Variants in HIRA observed in about 807,000 individuals in gnomAD.
HIRA encodes the protein histone cell cycle regulator.
A neutral mutation model predicts 126.6 loss-of-function variants in HIRA; 13 were observed. The ratio of observed to expected loss-of-function variants is 0.10; its 90% CI spans 0.07 to 0.16. The LOEUF (loss-of-function observed/expected upper bound fraction) is 0.16, where lower values mean the gene tolerates loss of function less well. Ranked by LOEUF, HIRA falls within the 10% of genes least tolerant of loss-of-function variation. HIRA has a pLI of 1.00. For synonymous variants in HIRA, 511 were observed against 520.0 expected (o/e 0.98, Z 0.24); for missense variants, 834 against 1,314.4 (o/e 0.63, Z 5.65).
intron 9 of HIRA, among the ~76,000 whole-genome samples, chr22:19,390,601 C>CAAAGAAAAAAAAA (rs2089169965): frequency 2.6e-5 from 1 of 38,342 alleles, no homozygotes; most frequent in Non-Finnish European, 4.8e-5. Context: ...GACTCTGTCT[C>CAAAGAAAAAAAAA]AAAAAAAAAA....
intron 13 of HIRA, among the ~76,000 whole-genome samples, chr22:19,378,691 G>A (rs938261387): frequency 2.0e-5 from 3 of 152,248 alleles, no homozygotes; most frequent in African/African-American, 7.2e-5. Context: ...TTGCTGTCAG[G>A]ACTAAAGCAG....
At chr22:19,377,637 C>T (rs746039389) in intron 14 of HIRA, among the ~76,000 whole-genome samples, 43 of 152,294 alleles carry the variant, frequency 2.8e-4, no homozygotes, top group Non-Finnish European at 5.7e-4. Flanking sequence ...GCAGCCTGAC[C>T]CTCGGTCAGC....
chr22:19,364,006 T>C (rs1050281031), intron 15 of HIRA, among the ~76,000 whole-genome samples: 1 of 152,170 alleles, frequency 6.6e-6, no homozygotes, highest in African/African-American at 2.4e-5. Flanking sequence ...TAGACCCAAA[T>C]GTAAACTTTG....
At chr22:19,342,322 G>A (rs1556007753) in intron 24 of HIRA, among the ~76,000 whole-genome samples, 4 of 152,176 alleles carry the variant, frequency 2.6e-5, no homozygotes, top group Admixed American at 2.6e-4. Context: ...CATGGAGGTG[G>A]TGAAAAGGGA....
chr22:19,402,739 G>A (rs1295092500), intron 5 of HIRA, among the ~76,000 whole-genome samples: 1 of 152,044 alleles, frequency 6.6e-6, no homozygotes, highest in African/African-American at 2.4e-5. Context: ...GATATAAACC[G>A]CAACCAGGCT....
chr22:19,407,903 C>G (rs778565830), intron 3 of HIRA, among the ~76,000 whole-genome samples: 21 of 152,180 alleles, frequency 1.4e-4, no homozygotes, highest in Non-Finnish European at 2.5e-4. Flanking sequence ...AGATGGCTAT[C>G]AAAGTTGTAG....
rs1407771085 is a variant in HIRA at position 19,392,331 on chromosome 22, T to G, written c.823-117A>C. ...ACAGACATTCTCTGAGCCCAGGCAC[T>G]GAGCATGCATTTCATCTTCCCGACC... is the stretch of plus-strand genomic sequence containing the variant. On this transcript the variant is annotated intron_variant, in intron 8 of 24. Transcript: ENST00000263208. 4 of 578,462 alleles carry G rather than the reference T, an allele frequency of 6.9e-6. 1 individual carries two copies. Among genetic ancestry groups the G allele is most frequent in the East Asian group, 5.8e-5 (2 of 34,780 alleles). The allele number at this position is 578,462 out of a possible 1,614,324, so 35.8% of individuals were successfully genotyped here. A position where few individuals can be genotyped will look rare whatever the true frequency, so the allele number is the denominator to read the frequency against.
intron 18 of HIRA, among the ~76,000 whole-genome samples, chr22:19,358,608 A>G (rs574199527): frequency 5.3e-5 from 8 of 152,214 alleles, no homozygotes; most frequent in Non-Finnish European, 1.2e-4. Flanking sequence ...GCCTAAAAAC[A>G]CAAAACTCAC....
In HIRA at chr22:19,394,330, C is replaced by T; in HGVS notation, c.822+12G>A. 6.2e-7 allele frequency: 1 copy of T among 1,613,808 alleles called. No individual in the cohort carries two copies. Among genetic ancestry groups the T allele is most frequent in the Non-Finnish European group, 8.5e-7 (1 of 1,179,754 alleles). On this transcript the variant is annotated intron_variant, in intron 8 of 24. Transcript: ENST00000263208. ...TTGGAGCCCATCTCCCTTTAGTTCC[C>T]TGGGCACTCACCACGACAGTCACAG...
chr22:19,334,476 C>T (rs533616592), intron 24 of HIRA, among the ~76,000 whole-genome samples: 3 of 150,796 alleles, frequency 2.0e-5, no homozygotes, highest in South Asian at 4.2e-4. Context: ...CATGGCGAAA[C>T]CCCATCTCCA....
chr22:19,339,715 A>G (rs2088606268), intron 24 of HIRA, among the ~76,000 whole-genome samples: 1 of 152,174 alleles, frequency 6.6e-6, no homozygotes, highest in African/African-American at 2.4e-5. Context: ...CAGAAATAGA[A>G]AAGATCATTC....
intron 2 of HIRA, 46 bp from the exon 3 acceptor site, chr22:19,408,639 T>G (rs2089326138): frequency 9.4e-7 from 1 of 1,062,484 alleles, no homozygotes; most frequent in Admixed American, 1.7e-5. Context: ...GGAGTAGAAA[T>G]TTGATATTAA....
chr22:19,355,898 G>A (rs2088807393), intron 20 of HIRA, 33 bp from the exon 21 acceptor site: 8 of 1,416,726 alleles, frequency 5.6e-6, no homozygotes, highest in Non-Finnish European at 7.0e-6. Flanking sequence ...TTCTGGGTGT[G>A]CTCTGATCAG....
At chr22:19,388,788 G>C (rs909697761) in intron 9 of HIRA, among the ~76,000 whole-genome samples, 2 of 152,240 alleles carry the variant, frequency 1.3e-5, no homozygotes, top group African/African-American at 4.8e-5. Flanking sequence ...GCTGTGGTCT[G>C]ACAGGGGAAA....
At chr22:19,377,792 A>G in intron 14 of HIRA, 77 bp downstream of exon 14, 8 of 1,316,242 alleles carry the variant, frequency 6.1e-6, no homozygotes, top group Non-Finnish European at 8.3e-6. Flanking sequence ...CAAACAGAAT[A>G]AAATTCTCTG....
At chr22:19,393,694 C>T (rs1270963078) in intron 8 of HIRA, among the ~76,000 whole-genome samples, 1 of 152,172 alleles carries the variant, frequency 6.6e-6, no homozygotes, top group East Asian at 1.9e-4. Flanking sequence ...AAAAGTGAGT[C>T]TATTTTCATC....
At chr22:19,358,567 G>C (rs2088835246) in intron 18 of HIRA, among the ~76,000 whole-genome samples, 1 of 152,148 alleles carries the variant, frequency 6.6e-6, no homozygotes, top group East Asian at 1.9e-4. Context: ...GAATTTGAGG[G>C]AGGAACAGAA....
At chr22:19,348,052 C>A (rs1260526083) in intron 24 of HIRA, among the ~76,000 whole-genome samples, 3 of 152,210 alleles carry the variant, frequency 2.0e-5, no homozygotes, top group Non-Finnish European at 2.9e-5. Context: ...GGTACGCAAC[C>A]TAGAATAAGC....
chr22:19,394,648 A>G (rs1262828286), intron 7 of HIRA, 139 bp from the exon 8 acceptor site: 3 of 840,536 alleles, frequency 3.6e-6, no homozygotes, highest in Non-Finnish European at 5.4e-6. Context: ...CTACACTGAC[A>G]GCTTCTGTCT....
Sources: gnomAD v4.1 joint callset for allele counts (sites outside exome capture counted in the v4.1 genomes callset) on GRCh38, gnomAD v4.1.1 for gene constraint, MANE v1.5 for transcripts, NCBI Gene and HGNC (gene_info 2026-07-23, HGNC 2026-07-21) for gene names.